LAMTOR1: variants seen among roughly 807,000 people sequenced by gnomAD.
LAMTOR1 encodes the protein late endosomal/lysosomal adaptor, MAPK and MTOR activator 1, also known as ragulator complex protein LAMTOR1.
LAMTOR1 carries 8 observed loss-of-function variants against 20.5 expected under a neutral mutation model. The ratio of observed to expected loss-of-function variants is 0.39; its 90% CI spans 0.23 to 0.70. The LOEUF is 0.70. LAMTOR1 is among the 30% of genes least tolerant of loss of function. The pLI is 0.43. For synonymous variants in LAMTOR1, 77 were observed against 80.9 expected (o/e 0.95, Z 0.26); for missense variants, 135 against 206.2 (o/e 0.65, Z 2.11).
At chr11:72,100,419 C>T (rs1945395303) in intron 1 of LAMTOR1, among the ~76,000 whole-genome samples, 1 of 152,276 alleles carries the variant, frequency 6.6e-6, no homozygotes, top group Non-Finnish European at 1.5e-5. Context: ...TGGTCTTCCT[C>T]CTTGTCCTCT....
chr11:72,102,382 A>G (rs1273369621), intron 1 of LAMTOR1, among the ~76,000 whole-genome samples: 1 of 152,154 alleles, frequency 6.6e-6, no homozygotes, highest in Non-Finnish European at 1.5e-5. Flanking sequence ...ATGCACTAAG[A>G]GGAAGAGGGA....
chr11:72,103,114 G>T, intron 1 of LAMTOR1, 69 bp downstream of exon 1: 4 of 1,542,518 alleles, frequency 2.6e-6, no homozygotes, highest in Non-Finnish European at 1.8e-6. Context: ...TCCTCCGCAG[G>T]TTTCTTTCTG....
chr11:72,101,388 G>A (rs1565326606), intron 1 of LAMTOR1, among the ~76,000 whole-genome samples: 1 of 152,212 alleles, frequency 6.6e-6, no homozygotes, highest in Admixed American at 6.5e-5. Context: ...TGGTCTAGGG[G>A]CATGGCTGAG....
rs144904070 is a variant in LAMTOR1, at chr11:72,101,829, G to A, written c.42+1354C>T. Among the ~76,000 whole-genome samples, 64 of 152,278 alleles carry A rather than the reference G, an allele frequency of 4.2e-4. 1 individual carries two copies. The highest frequency in any genetic ancestry group is 3.7e-3 in the South Asian group (18 of 4,824). The stretch of plus-strand genomic sequence containing the variant: ...CAGCAGGCCCAGCTCTCCCTTCCAA[G>A]TAGAAGCTTGTATCCTTTCTCATAC... On this transcript the variant is annotated intron_variant, in intron 1 of 4. Coordinates refer to ENST00000278671, the MANE Select transcript of LAMTOR1 (RefSeq NM_017907.3).
chr11:72,097,885 A>G lies in LAMTOR1; in HGVS notation c.423T>C (p.Ser141=). The G allele has an allele frequency of 6.2e-7, 1 of 1,608,756 alleles. No individual in the cohort carries two copies. The highest frequency in any genetic ancestry group is 1.7e-5 in the Admixed American group (1 of 59,802). Residue 141 remains serine (S), a synonymous_variant, in exon 5 of 5, where the codon AGT becomes AGC. Transcript: ENST00000278671. ...QVSRIAAYAY[S]ALSQIRVDAK... ...CGTCCACACGGATCTGAGAAAGTGC[A>G]CTGTAGGCATAAGCAGCTATCCTGG...
intron 1 of LAMTOR1, among the ~76,000 whole-genome samples, chr11:72,101,301 C>T (rs947020784): frequency 6.6e-6 from 1 of 152,236 alleles, no homozygotes; most frequent in Non-Finnish European, 1.5e-5. Flanking sequence ...TTTGTCTCTG[C>T]ATTAGTGTAA....
rs1228401524 is a variant in LAMTOR1, at chr11:72,097,741, G to A, written c.*81C>T. On this transcript the variant is annotated 3_prime_UTR_variant, in exon 5 of 5. Transcript: ENST00000278671. ...AGTAGCAGGTTAGGGTACTGTATAA[G>A]CCGCAGTGAGGCTGGGGGCCAAGGG... is the stretch of plus-strand genomic sequence containing the variant. 7 of 1,611,236 alleles carry A rather than the reference G, an allele frequency of 4.3e-6. No individual in the cohort carries two copies. The highest frequency in any genetic ancestry group is 1.3e-5 in the African/African-American group (1 of 75,008).
At chr11:72,101,067 A>T (rs1267521865) in intron 1 of LAMTOR1, among the ~76,000 whole-genome samples, 1 of 152,238 alleles carries the variant, frequency 6.6e-6, no homozygotes, top group Non-Finnish European at 1.5e-5. Flanking sequence ...CACTTCAGAC[A>T]GATCTTCCTG....
intron 1 of LAMTOR1, among the ~76,000 whole-genome samples, chr11:72,099,771 A>T (rs1232416085): frequency 6.6e-6 from 1 of 152,178 alleles, no homozygotes; most frequent in Non-Finnish European, 1.5e-5. Flanking sequence ...AGAGAAAGCA[A>T]GCCCAACCTC....
At chr11:72,102,753 G>A (rs1945491017) in intron 1 of LAMTOR1, among the ~76,000 whole-genome samples, 1 of 152,144 alleles carries the variant, frequency 6.6e-6, no homozygotes, top group South Asian at 2.1e-4. Context: ...GGACTAAGAC[G>A]ATACACGAAT....
At chr11:72,099,536 C>T (rs545979581) in intron 1 of LAMTOR1, among the ~76,000 whole-genome samples, 14 of 152,244 alleles carry the variant, frequency 9.2e-5, no homozygotes, top group Middle Eastern at 3.4e-3. Flanking sequence ...CAGCAACAGC[C>T]CTGGAGCTTG....
At chr11:72,098,009 A>C in intron 4 of LAMTOR1, 95 bp from the exon 5 acceptor site, 2 of 1,430,124 alleles carry the variant, frequency 1.4e-6, no homozygotes, top group Non-Finnish European at 1.9e-6. Flanking sequence ...GTGATGGAGA[A>C]GGAGGGAATG....
intron 1 of LAMTOR1, among the ~76,000 whole-genome samples, chr11:72,101,736 A>C (rs941660548): frequency 6.6e-6 from 1 of 152,206 alleles, no homozygotes; most frequent in African/African-American, 2.4e-5. Flanking sequence ...GCAGTGATTA[A>C]GCACCTTCTC....
At chr11:72,101,834 A>G (rs1945452390) in intron 1 of LAMTOR1, among the ~76,000 whole-genome samples, 1 of 152,162 alleles carries the variant, frequency 6.6e-6, no homozygotes, top group African/African-American at 2.4e-5. Flanking sequence ...TCCAAGTAGA[A>G]GCTTGTATCC....
rs1340125232 is a variant in LAMTOR1, at chr11:72,103,232, G to A, written c.-8C>T. 6.4e-7 allele frequency: 1 copy of A among 1,558,336 alleles called. No individual in the cohort carries two copies. The highest frequency in any genetic ancestry group is 8.7e-7 in the Non-Finnish European group (1 of 1,150,868). ...GCTGTAGCAGCACCCCATGGCCGGG[G>A]TCGGGCCGGGCGCTCAGGCCGCGCC... is the stretch of plus-strand genomic sequence containing the variant. On this transcript the variant is annotated 5_prime_UTR_variant, in exon 1 of 5. Transcript: ENST00000278671.
rs763029040 is a variant in LAMTOR1 at position 72,097,536 on chromosome 11, C to G, written c.*286G>C. 7.5e-5 allele frequency: 90 copies of G among 1,201,000 alleles called. No homozygotes were observed. The highest frequency in any genetic ancestry group is 9.2e-5 in the Non-Finnish European group (88 of 958,212). 74.4% of individuals were successfully genotyped at this position (1,201,000 alleles called of 1,614,324 possible). ...CCTAGGTCCCCTGGTGATCACCCCC[C>G]ACCCAAACTGGTATCTCCACATTCT... On this transcript the variant is annotated 3_prime_UTR_variant, in exon 5 of 5. Coordinates refer to ENST00000278671, the MANE Select transcript of LAMTOR1 (RefSeq NM_017907.3).
At chr11:72,102,500 GC>G (rs1200490761) in intron 1 of LAMTOR1, among the ~76,000 whole-genome samples, 10 of 152,168 alleles carry the variant, frequency 6.6e-5, no homozygotes, top group Non-Finnish European at 7.3e-5. Flanking sequence ...GAACCCTCAG[GC>G]CCCAGGCAGA....
At chr11:72,099,920 C>T (rs1046329791) in intron 1 of LAMTOR1, among the ~76,000 whole-genome samples, 3 of 152,144 alleles carry the variant, frequency 2.0e-5, no homozygotes, top group African/African-American at 7.2e-5. Context: ...TCTTTTTGTA[C>T]GTGACTCCCA....
rs150927193 is a variant in LAMTOR1, at chr11:72,097,994, A to G, written c.394-80T>C. On this transcript the variant is annotated intron_variant, in intron 4 of 4. Coordinates refer to ENST00000278671, the MANE Select transcript of LAMTOR1 (RefSeq NM_017907.3). ...TCAGGAAAAATGGGGAGGGGAGATT[A>G]GATGGTGATGGAGAAGGAGGGAATG... 1,880 of 1,476,476 alleles carry G rather than the reference A, an allele frequency of 1.3e-3. 27 individuals carry two copies. The East Asian group carries it at 0.018, about 14-fold the overall frequency. The allele number at this position is 1,476,476 out of a possible 1,614,324, so 91.5% of individuals were successfully genotyped here. A position where few individuals can be genotyped will look rare whatever the true frequency, so the allele number is the denominator to read the frequency against.
Sources: allele counts gnomAD v4.1 joint callset (sites outside exome capture counted in the v4.1 genomes callset), GRCh38; gene constraint gnomAD v4.1.1; transcripts MANE v1.5; gene names NCBI Gene and HGNC (gene_info 2026-07-23, HGNC 2026-07-21).